Variants in PATJ observed in about 807,000 individuals in gnomAD.
The protein encoded by PATJ is PATJ crumbs cell polarity complex component.
A neutral mutation model predicts 224.9 loss-of-function variants in PATJ; 190 were observed. The observed-to-expected ratio is 0.84, with a 90% CI of 0.75 to 0.95. The LOEUF (loss-of-function observed/expected upper bound fraction) is 0.95, where lower values mean the gene tolerates loss of function less well. PATJ is among the 40% of genes least tolerant of loss of function. The pLI, the probability that PATJ is intolerant of heterozygous loss-of-function variation, is 0.00. For missense variants in PATJ, 2,121 were observed against 2,270.3 expected (o/e 0.93, Z 1.34); for synonymous variants, 769 against 820.3 (o/e 0.94, Z 1.07).
At chr1:62,136,795 G>C (rs1282614133) in intron 41 of PATJ, among the ~76,000 whole-genome samples, 1 of 151,054 alleles carries the variant, frequency 6.6e-6, no homozygotes, top group African/African-American at 2.4e-5. Flanking sequence ...GCCTTGATCT[G>C]CCAGGCTCAA....
intron 16 of PATJ, among the ~76,000 whole-genome samples, chr1:61,828,037 G>A (rs971662589): frequency 6.6e-6 from 1 of 151,974 alleles, no homozygotes; most frequent in Non-Finnish European, 1.5e-5. Context: ...ACCTAAGGTC[G>A]GGAGTTGGAG....
intron 41 of PATJ, among the ~76,000 whole-genome samples, chr1:62,132,880 G>C (rs1324008413): frequency 6.6e-6 from 1 of 152,082 alleles, no homozygotes; most frequent in African/African-American, 2.4e-5. Flanking sequence ...CTCCGGCCTG[G>C]ATGACAGTGA....
At chr1:62,087,893 ATTT>A (rs200475132) in intron 33 of PATJ, among the ~76,000 whole-genome samples, 1 of 141,818 alleles carries the variant, frequency 7.1e-6, no homozygotes, top group Admixed American at 7.1e-5. Context: ...ATTCTTTGTA[ATTT>A]TTTTTTTTTT....
At chr1:61,976,700 G>A (rs1320299880) in intron 27 of PATJ, among the ~76,000 whole-genome samples, 1 of 151,930 alleles carries the variant, frequency 6.6e-6, no homozygotes, top group East Asian at 1.9e-4. Context: ...GCGCCAGTGT[G>A]CCCGGACTTG....
chr1:61,857,018 A>G (rs1427538170), intron 18 of PATJ, among the ~76,000 whole-genome samples: 2 of 152,192 alleles, frequency 1.3e-5, no homozygotes, highest in African/African-American at 2.4e-5. Context: ...AGAGTTTAAT[A>G]TGCTTTTCTC....
At chr1:62,017,147 C>A (rs1646813379) in intron 28 of PATJ, among the ~76,000 whole-genome samples, 1 of 151,990 alleles carries the variant, frequency 6.6e-6, no homozygotes, top group East Asian at 1.9e-4. Flanking sequence ...CCTAATATAC[C>A]CACTTAACAA....
intron 21 of PATJ, among the ~76,000 whole-genome samples, chr1:61,882,864 C>T (rs1186829886): frequency 6.6e-6 from 1 of 152,184 alleles, no homozygotes; most frequent in African/African-American, 2.4e-5. Flanking sequence ...CTGCGCCTGG[C>T]CAATATTCTG....
At chr1:62,047,737 C>T (rs1425515012) in intron 30 of PATJ, among the ~76,000 whole-genome samples, 1 of 152,154 alleles carries the variant, frequency 6.6e-6, no homozygotes, top group African/African-American at 2.4e-5. Flanking sequence ...ACTTACATTA[C>T]CACTGTCAAA....
In PATJ at chr1:62,001,673, T is replaced by G. The variant is rs536800247; in HGVS notation, c.3867+11309T>G. Among the ~76,000 whole-genome samples, 24 of 152,092 alleles carry G rather than the reference T, an allele frequency of 1.6e-4. No individual in the cohort carries two copies. In the East Asian group the frequency reaches 4.6e-3, roughly 29 times the overall value. On this transcript the variant is annotated intron_variant, in intron 28 of 43. Transcript: ENST00000642238. ...GATTGACTTGGCAATGCGGGCTCTTTTTTGGTTCCATATGAACTTTAAAGT... is the reference window on the plus strand; with the variant it reads ...GATTGACTTGGCAATGCGGGCTCTTGTTTGGTTCCATATGAACTTTAAAGT...
intron 1 of PATJ, among the ~76,000 whole-genome samples, chr1:61,746,381 G>T (rs1645027813): frequency 6.6e-6 from 1 of 152,194 alleles, no homozygotes; most frequent in Non-Finnish European, 1.5e-5. Context: ...CTGGCCCAGA[G>T]AATTTCTTTA....
At chr1:61,954,520 A>G (rs1261656566) in intron 27 of PATJ, among the ~76,000 whole-genome samples, 3 of 152,148 alleles carry the variant, frequency 2.0e-5, no homozygotes, top group Non-Finnish European at 2.9e-5. Flanking sequence ...AATTGATCCA[A>G]TGTTGAACAA....
Position 62,148,907 on chromosome 1 carries a change from G to A in PATJ, c.5378+517G>A, listed in dbSNP as rs181154804. 4.0e-3 allele frequency among the ~76,000 whole-genome samples: 604 copies of A among 152,012 alleles called. 9 individuals carry two copies. Among genetic ancestry groups the A allele is most frequent in the Admixed American group, 0.036 (547 of 15,234 alleles). ...TTTGGGAGGCCGAGACGGGTGGATC[G>A]CCTGAGGTCAGGAGTTCGAGACCAG... On this transcript the variant is annotated intron_variant, in intron 42 of 43. Coordinates refer to ENST00000642238, the MANE Select transcript of PATJ (RefSeq NM_001350145.3).
chr1:61,834,333 T>C (rs1334333219), intron 17 of PATJ, among the ~76,000 whole-genome samples: 2 of 152,248 alleles, frequency 1.3e-5, no homozygotes, highest in Non-Finnish European at 2.9e-5. Context: ...AGAAGTGTTC[T>C]TGGTCAAGTT....
chr1:61,762,416 C>T (rs1489383326), intron 1 of PATJ, among the ~76,000 whole-genome samples: 3 of 151,928 alleles, frequency 2.0e-5, no homozygotes, highest in Non-Finnish European at 2.9e-5. Flanking sequence ...TTACTAGACA[C>T]TTGGGTTTTT....
At position 61,827,670 on chromosome 1, in the gene PATJ, G is replaced by T. The variant is rs76656523; in HGVS notation, c.1980+87G>T. 5.0e-3 allele frequency: 6,389 copies of T among 1,273,494 alleles called. 246 individuals carry two copies. In the African/African-American group the frequency reaches 0.084, roughly 17 times the overall value. 78.9% of individuals were successfully genotyped at this position (1,273,494 alleles called of 1,614,324 possible). A position where few individuals can be genotyped will look rare whatever the true frequency, so the allele number is the denominator to read the frequency against. On this transcript the variant is annotated intron_variant, in intron 16 of 43. Coordinates refer to ENST00000642238, the MANE Select transcript of PATJ (RefSeq NM_001350145.3). ...ACTGTGCTGCAATAAGAAGGGAGGG[G>T]AAACCATTCCACTCTGCTCTTTTTT...
At position 62,086,884 on chromosome 1, in the gene PATJ, G is replaced by A. The variant is rs557349755; in HGVS notation, c.4377+2236G>A. On this transcript the variant is annotated intron_variant, in intron 33 of 43. Transcript: ENST00000642238. This position sits in a 1 kb window ranked among gnomAD's most constrained non-coding sequence, Gnocchi z 4.0. ...TGCCGGCAGGAGCAGGCTCTGTGGGGTCCCCTCGGCCAGACCAGGTAGGGG... is the reference window on the plus strand; with the variant it reads ...TGCCGGCAGGAGCAGGCTCTGTGGGATCCCCTCGGCCAGACCAGGTAGGGG... 6.6e-6 allele frequency among the ~76,000 whole-genome samples: 1 copy of A among 152,130 alleles called. No individual in the cohort carries two copies. The highest frequency in any genetic ancestry group is 6.6e-5 in the Admixed American group (1 of 15,264).
At chr1:61,983,507 T>C (rs1339273916) in intron 27 of PATJ, among the ~76,000 whole-genome samples, 1 of 152,114 alleles carries the variant, frequency 6.6e-6, no homozygotes, top group Non-Finnish European at 1.5e-5. Context: ...TTTACTTCTT[T>C]TAACTGAAGG....
At chr1:61,881,319 C>A (rs1053080148) in intron 21 of PATJ, among the ~76,000 whole-genome samples, 1 of 151,888 alleles carries the variant, frequency 6.6e-6, no homozygotes, top group African/African-American at 2.4e-5. Flanking sequence ...TGGGAAGGAC[C>A]CTGAATTTGA....
At chr1:61,877,449 A>C (rs933085061) in intron 21 of PATJ, among the ~76,000 whole-genome samples, 13 of 151,950 alleles carry the variant, frequency 8.6e-5, no homozygotes, top group Non-Finnish European at 4.4e-5. Context: ...CTCAAATCTC[A>C]TGTTGAATCA....
Sources: allele counts gnomAD v4.1 joint callset (sites outside exome capture counted in the v4.1 genomes callset), GRCh38; gene constraint gnomAD v4.1.1; non-coding constraint Gnocchi (gnomAD v3.1); transcripts MANE v1.5; gene names NCBI Gene and HGNC (gene_info 2026-07-23, HGNC 2026-07-21).